The following PDE8B variants were observed in gnomAD, a reference collection of about 807,000 sequenced individuals.
PDE8B encodes high affinity cAMP-specific and IBMX-insensitive 3',5'-cyclic phosphodiesterase 8B.
PDE8B carries 26 observed loss-of-function variants against 101.3 expected under a neutral mutation model. The ratio of observed to expected loss-of-function variants is 0.26; its 90% CI spans 0.19 to 0.36. PDE8B has a LOEUF of 0.36. Among genes scored for constraint, PDE8B ranks in the 10% least tolerant of loss-of-function variants. The pLI is 1.00. For synonymous variants in PDE8B, 424 were observed against 429.3 expected (o/e 0.99, Z 0.15); for missense variants, 810 against 1,163.1 (o/e 0.70, Z 4.42).
the PDE8B span, chr5:77,144,415 T>C: frequency 6.6e-6 from 1 of 152,096 alleles, no homozygotes; most frequent in Non-Finnish European, 1.5e-5. Flanking sequence ...GCAGTGAAAA[T>C]TGCGTGGCTC....
intron 14 of PDE8B, among the ~76,000 whole-genome samples, chr5:77,409,986 G>A (rs1794217099): frequency 6.6e-6 from 1 of 152,170 alleles, no homozygotes; most frequent in African/African-American, 2.4e-5. Context: ...CAAGGGCTCT[G>A]CAAGAAGGTG....
chr5:77,275,994 G>A (rs145753180), intron 1 of PDE8B, among the ~76,000 whole-genome samples: 1 of 152,124 alleles, frequency 6.6e-6, no homozygotes, highest in South Asian at 2.1e-4. Flanking sequence ...AATTAATTAT[G>A]TAAAAAATAA....
chr5:77,115,098 C>G, the PDE8B span: 1 of 152,230 alleles, frequency 6.6e-6, no homozygotes, highest in East Asian at 1.9e-4. Flanking sequence ...TGAAATATAC[C>G]CCATGTCTGC....
rs995396724 is a variant in PDE8B at position 77,419,949 on chromosome 5, G to A, written c.2250+62G>A. Reference sequence around the variant, plus strand: ...GTACATTTCCATAAGAGCCTGCTCTGGCCCTGAAGCATTTTCTCTCCCACT... The same window carrying A: ...GTACATTTCCATAAGAGCCTGCTCTAGCCCTGAAGCATTTTCTCTCCCACT... On this transcript the variant is annotated intron_variant, in intron 19 of 21. Transcript: ENST00000264917. 28 of 1,583,448 alleles carry A rather than the reference G, an allele frequency of 1.8e-5. No homozygotes were observed. The African/African-American group carries it at 1.9e-4, about 11-fold the overall frequency.
intron 1 of PDE8B, among the ~76,000 whole-genome samples, chr5:77,261,243 G>A (rs1760519261): frequency 6.6e-6 from 1 of 152,194 alleles, no homozygotes; most frequent in Non-Finnish European, 1.5e-5. Flanking sequence ...CTCACCATAT[G>A]ATATATACAG....
intron 16 of PDE8B, 108 bp downstream of exon 16, chr5:77,412,343 G>C (rs1417077824): frequency 1.8e-6 from 2 of 1,116,744 alleles, no homozygotes; most frequent in South Asian, 1.3e-5. Flanking sequence ...AGACCTCACG[G>C]GTTCTGGCTC....
chr5:77,400,778 ACT>A (rs1339236915), intron 11 of PDE8B, among the ~76,000 whole-genome samples: 2 of 151,804 alleles, frequency 1.3e-5, no homozygotes, highest in Non-Finnish European at 2.9e-5. Flanking sequence ...GTTGGGCAAG[ACT>A]CTGCTTGGTT....
chr5:77,156,664 A>C, the PDE8B span, among the ~76,000 whole-genome samples: 1 of 152,150 alleles, frequency 6.6e-6, no homozygotes, highest in Non-Finnish European at 1.5e-5. Context: ...TGTTATCAAG[A>C]AAACAGGATC....
intron 1 of PDE8B, among the ~76,000 whole-genome samples, chr5:77,226,884 T>C (rs558008746): frequency 9.9e-5 from 15 of 152,206 alleles, no homozygotes; most frequent in Non-Finnish European, 1.5e-4. Context: ...CTTGCATCTG[T>C]TGGACATTGT....
chr5:77,330,527 GA>G (rs1490949627), intron 4 of PDE8B, among the ~76,000 whole-genome samples: 1 of 152,198 alleles, frequency 6.6e-6, no homozygotes, highest in African/African-American at 2.4e-5. Context: ...AGAGAAGATA[GA>G]ATTTGGAGTT....
intron 14 of PDE8B, among the ~76,000 whole-genome samples, chr5:77,409,998 C>T (rs1011639872): frequency 2.0e-5 from 3 of 152,252 alleles, no homozygotes; most frequent in African/African-American, 7.2e-5. Context: ...AAGAAGGTGG[C>T]CACCGCAGAG....
intron 5 of PDE8B, among the ~76,000 whole-genome samples, chr5:77,335,165 T>C (rs1777896639): frequency 6.6e-6 from 1 of 152,236 alleles, no homozygotes; most frequent in African/African-American, 2.4e-5. Flanking sequence ...CTGTGTATTA[T>C]TTACAAAACA....
At chr5:77,212,084 G>GA (rs1420399477) in intron 1 of PDE8B, among the ~76,000 whole-genome samples, 1 of 152,140 alleles carries the variant, frequency 6.6e-6, no homozygotes, top group Non-Finnish European at 1.5e-5. Flanking sequence ...AAAGACAGAA[G>GA]AAAAATAATT....
intron 10 of PDE8B, among the ~76,000 whole-genome samples, chr5:77,395,304 A>G (rs1341665842): frequency 1.3e-5 from 2 of 151,116 alleles, no homozygotes; most frequent in Admixed American, 1.3e-4. Flanking sequence ...TTTAGTAGAG[A>G]GGGGGTTTCA....
chr5:77,200,681 A>G, the PDE8B span, among the ~76,000 whole-genome samples: 1 of 152,222 alleles, frequency 6.6e-6, no homozygotes, highest in South Asian at 2.1e-4. Flanking sequence ...CATTAACATC[A>G]CCTGGGAATT....
rs72769019 is a variant in PDE8B at position 77,427,034 on chromosome 5, T to G, written c.*480T>G. ...TAAGGAGCTTATCTGAACAGATTTA[T>G]CTAAGAAAAAAAAAAAACGACATAA... On this transcript the variant is annotated 3_prime_UTR_variant, in exon 22 of 22. Coordinates refer to ENST00000264917, the MANE Select transcript of PDE8B (RefSeq NM_003719.5). The G allele has an allele frequency of 0.02, 2,814 of 141,094 alleles. 37 individuals are homozygous for G. Among genetic ancestry groups the G allele is most frequent in the Middle Eastern group, 0.065 (18 of 278 alleles). The allele number at this position is 141,094 out of a possible 1,614,324, so 8.7% of individuals were successfully genotyped here.
Position 77,411,318 on chromosome 5 carries a change from A to AG in PDE8B, c.1531-353dup, listed in dbSNP as rs1331366430. Among the ~76,000 whole-genome samples, 6 of 152,320 alleles carry AG rather than the reference A, an allele frequency of 3.9e-5. No individual in the cohort carries two copies. In the East Asian group the frequency reaches 9.6e-4, roughly 24 times the overall value. On this transcript the variant is annotated intron_variant, in intron 14 of 21. Transcript: ENST00000264917. ...AATTAACACAGTCCCTCTGAGGGTG[A>AG]GGGGGATCCCGTCAAGATCTGAAGC... is the stretch of plus-strand genomic sequence containing the variant.
At chr5:77,413,057 C>T (rs1050065028) in intron 16 of PDE8B, 54 bp from the exon 17 acceptor site, 6 of 1,443,136 alleles carry the variant, frequency 4.2e-6, no homozygotes, top group Non-Finnish European at 9.8e-7. Context: ...TCAAAGAAAA[C>T]AGTTTCTGGG....
intron 1 of PDE8B, among the ~76,000 whole-genome samples, chr5:77,272,948 T>C (rs1763092133): frequency 6.6e-6 from 1 of 152,210 alleles, no homozygotes; most frequent in South Asian, 2.1e-4. Flanking sequence ...GATATACCTA[T>C]GCATAGAATG....
Sources: gnomAD v4.1 joint callset for allele counts (sites outside exome capture counted in the v4.1 genomes callset) on GRCh38, gnomAD v4.1.1 for gene constraint, MANE v1.5 for transcripts, NCBI Gene and HGNC (gene_info 2026-07-23, HGNC 2026-07-21) for gene names.